Variants in C15orf61 observed in about 807,000 individuals in gnomAD.
C15orf61 encodes the protein uncharacterized protein C15orf61.
C15orf61 carries 12 observed loss-of-function variants against 13.7 expected under a neutral mutation model. That is an observed-to-expected ratio of 0.88 (90% CI 0.56 to 1.42). The LOEUF (loss-of-function observed/expected upper bound fraction) is 1.42. Among genes scored for constraint, C15orf61 ranks in the 40% most tolerant of loss-of-function variants. The probability of loss-of-function intolerance (pLI) is 0.00; values close to 1 mark genes in which losing one functional copy is unlikely to be tolerated. For missense variants in C15orf61, 248 were observed against 213.2 expected (o/e 1.16, Z -1.02); for synonymous variants, 92 against 94.1 (o/e 0.98, Z 0.13).
At position 67,529,117 on chromosome 15, in the gene C15orf61, G is replaced by C. The variant is rs1482124892; in HGVS notation, c.*2572G>C. 1.3e-5 allele frequency: 2 copies of C among 152,076 alleles called. No homozygotes were observed. Among genetic ancestry groups the C allele is most frequent in the Non-Finnish European group, 2.9e-5 (2 of 68,004 alleles). The allele number at this position is 152,076 out of a possible 1,614,324, so 9.4% of individuals were successfully genotyped here. On this transcript the variant is annotated 3_prime_UTR_variant, in exon 2 of 2. Transcript: ENST00000342683. This position sits in a 1 kb window ranked among gnomAD's most constrained non-coding sequence, Gnocchi z 4.4. ...TTTTATCTTTAATCCAACCAAAACT[G>C]TTTTAATAAAGGTGTACTTTTAGTA...
At chr15:67,522,111 A>G (rs1443147091) in intron 1 of C15orf61, 2 of 701,830 alleles carry the variant, frequency 2.8e-6, no homozygotes, top group Admixed American at 2.0e-5. Context: ...CAGACATAAC[A>G]GCTTCCTGAG....
intron 1 of C15orf61, among the ~76,000 whole-genome samples, chr15:67,524,307 A>G (rs953983944): frequency 2.6e-5 from 4 of 151,902 alleles, no homozygotes; most frequent in Admixed American, 1.3e-4. Context: ...TTTTATTTCA[A>G]CTACTCCCTA....
Position 67,521,526 on chromosome 15 carries a change from C to G in C15orf61, c.278C>G (p.Ser93Cys). The G allele has an allele frequency of 6.5e-7, 1 of 1,548,018 alleles. No individual in the cohort carries two copies. Among genetic ancestry groups the G allele is most frequent in the East Asian group, 2.4e-5 (1 of 40,898 alleles). Residue 93 changes from serine to cysteine, a missense_variant, in exon 1 of 2, where the codon TCC (serine) becomes TGC (cysteine). Transcript: ENST00000342683. ...TTCCCCTTCATCAAGTACCACTGCT[C>G]CAAGGCTCCCTGGCAGGACCTGGCC... ...GCFPFIKYHCSKAPWQDLARQ... is the reference protein window; with the variant it reads ...GCFPFIKYHCCKAPWQDLARQ...
intron 1 of C15orf61, chr15:67,522,124 G>A (rs1456456615): frequency 1.4e-6 from 1 of 701,506 alleles, no homozygotes; most frequent in Non-Finnish European, 2.6e-6. Flanking sequence ...TTCCTGAGGT[G>A]CTAGGCCTAA....
chr15:67,523,546 A>G (rs924556736), intron 1 of C15orf61, among the ~76,000 whole-genome samples: 15 of 152,196 alleles, frequency 9.9e-5, no homozygotes, highest in Admixed American at 2.6e-4. Flanking sequence ...GAGATTTAAG[A>G]AAAGCAACTT....
rs1402332210 is a variant in C15orf61 at position 67,521,288 on chromosome 15, C to G, written c.40C>G (p.Leu14Val). The G allele has an allele frequency of 2.0e-6, 3 of 1,479,280 alleles. No individual in the cohort carries two copies. The African/African-American group carries it at 4.3e-5, about 21-fold the overall frequency. The allele number at this position is 1,479,280 out of a possible 1,614,324, so 91.6% of individuals were successfully genotyped here. The change falls in exon 1 of 2, where the codon CTG becomes GTG. Residue 14 changes from leucine to valine, a missense_variant. Physicochemically the swap from Leu to Val is conservative, Grantham distance 32. Coordinates refer to ENST00000342683, the MANE Select transcript of C15orf61 (RefSeq NM_001143936.2). ...GAGGGCCCACGAGGTCGCGCTCCGC[C>G]TGCTGCTGTGTAGGCCGTGGGCCTC... ...LRRAHEVALR[L>V]LLCRPWASRA...
chr15:67,526,433 T>C lies in C15orf61; in HGVS notation c.362T>C (p.Leu121Ser). Reference sequence around the variant, plus strand: ...TGTTTTCTAGGTATTCCAACTTTATTATATGGACTTGGCTCCTGGTTATTT... The same window carrying C: ...TGTTTTCTAGGTATTCCAACTTTATCATATGGACTTGGCTCCTGGTTATTT... ...KVVNLGIPTL[L>S]YGLGSWLFAR... Residue 121 changes from leucine (L) to serine (S), a missense_variant, in exon 2 of 2, where the codon TTA (leucine) becomes TCA (serine). Leu to Ser is a moderately radical substitution (Grantham distance 145). Transcript: ENST00000342683. 1 of 1,528,906 alleles carries C rather than the reference T, an allele frequency of 6.5e-7. No homozygotes were observed. The highest frequency in any genetic ancestry group is 8.9e-7 in the Non-Finnish European group (1 of 1,128,016). 94.7% of individuals were successfully genotyped at this position (1,528,906 alleles called of 1,614,324 possible).
chr15:67,521,753 G>A, intron 1 of C15orf61, 159 bp downstream of exon 1: 2 of 770,302 alleles, frequency 2.6e-6, no homozygotes, highest in Non-Finnish European at 4.1e-6. Context: ...TGTACTCCTC[G>A]CCCAGGGGGT....
rs1264035229 is a variant in C15orf61 at position 67,529,873 on chromosome 15, A to T, written c.*3328A>T. On this transcript the variant is annotated 3_prime_UTR_variant, in exon 2 of 2. Transcript: ENST00000342683. The surrounding 1 kb of genome is among the most constrained non-coding windows in gnomAD (Gnocchi z 4.4). The stretch of plus-strand genomic sequence containing the variant: ...AAAGAATGATGTTTGAATAAGTGGG[A>T]TGACATAAAAGGCAAAGATCTTGGT... The T allele has an allele frequency of 2.6e-5, 4 of 152,236 alleles. No individual in the cohort carries two copies. The highest frequency in any genetic ancestry group is 9.6e-5 in the African/African-American group (4 of 41,458). The allele number at this position is 152,236 out of a possible 1,614,324, so 9.4% of individuals were successfully genotyped here.
At position 67,521,283 on chromosome 15, in the gene C15orf61, T is replaced by C. The variant is rs1412639330; in HGVS notation, c.35T>C (p.Leu12Pro). 6 of 1,456,776 alleles carry C rather than the reference T, an allele frequency of 4.1e-6. No homozygotes were observed. Among genetic ancestry groups the C allele is most frequent in the Non-Finnish European group, 5.4e-6 (6 of 1,107,604 alleles). The allele number at this position is 1,456,776 out of a possible 1,614,324, so 90.2% of individuals were successfully genotyped here. A position where few individuals can be genotyped will look rare whatever the true frequency, so the allele number is the denominator to read the frequency against. Residue 12 changes from leucine to proline, a missense_variant, in exon 1 of 2, where the codon CTC becomes CCC. Transcript: ENST00000342683. ...CTGAGGAGGGCCCACGAGGTCGCGC[T>C]CCGCCTGCTGCTGTGTAGGCCGTGG... Reference protein sequence around the residue: ...EALRRAHEVALRLLLCRPWAS... With the variant: ...EALRRAHEVAPRLLLCRPWAS...
At chr15:67,521,901 G>A in intron 1 of C15orf61, 3 of 664,346 alleles carry the variant, frequency 4.5e-6, no homozygotes, top group Non-Finnish European at 8.1e-6. Context: ...AGTAAGCCAG[G>A]GGGCGTCAGG....
Position 67,522,150 on chromosome 15 carries a change from C to G in C15orf61, c.346+556C>G, listed in dbSNP as rs754538691. The G allele has an allele frequency of 4.3e-6, 3 of 701,438 alleles. No homozygotes were observed. The African/African-American group carries it at 5.3e-5, about 12-fold the overall frequency. 43.5% of individuals were successfully genotyped at this position (701,438 alleles called of 1,614,324 possible). ...CTAGGCCTAAAAGATTTTTAAAGATCTTTAATATTTGTATATTTTCATGGA... is the reference window on the plus strand; with the variant it reads ...CTAGGCCTAAAAGATTTTTAAAGATGTTTAATATTTGTATATTTTCATGGA... On this transcript the variant is annotated intron_variant, in intron 1 of 1. Coordinates refer to ENST00000342683, the MANE Select transcript of C15orf61 (RefSeq NM_001143936.2).
In C15orf61 at chr15:67,522,740, G is replaced by A. The variant is rs940786845; in HGVS notation, c.346+1146G>A. Among the ~76,000 whole-genome samples, 9 of 152,170 alleles carry A rather than the reference G, an allele frequency of 5.9e-5. No homozygotes were observed. The East Asian group carries it at 1.5e-3, about 26-fold the overall frequency. ...AAAGACTGGAGTGTTAACTAGATTCGAGAAGTATAAGTTTATTTTAGCATT... is the reference window on the plus strand; with the variant it reads ...AAAGACTGGAGTGTTAACTAGATTCAAGAAGTATAAGTTTATTTTAGCATT... On this transcript the variant is annotated intron_variant, in intron 1 of 1. Transcript: ENST00000342683.
At position 67,525,481 on chromosome 15, in the gene C15orf61, A is replaced by T. The variant is rs1239741146; in HGVS notation, c.347-937A>T. Among the ~76,000 whole-genome samples the T allele has an allele frequency of 6.6e-6, 1 of 152,234 alleles. No homozygotes were observed. The highest frequency in any genetic ancestry group is 2.4e-5 in the African/African-American group (1 of 41,466). On this transcript the variant is annotated intron_variant, in intron 1 of 1. Transcript: ENST00000342683. This position sits in a 1 kb window ranked among gnomAD's most constrained non-coding sequence, Gnocchi z 4.9. ...ATCTCAAAGCAGCAAAATCTTATCA[A>T]TTCCAAAGAAGAAACACATGTTGGA...
chr15:67,527,720 A>G lies in C15orf61; in HGVS notation c.*1175A>G, dbSNP rs2084206641. The G allele has an allele frequency of 6.6e-6, 1 of 152,218 alleles. No homozygotes were observed. The highest frequency in any genetic ancestry group is 1.9e-4 in the East Asian group (1 of 5,208). The allele number at this position is 152,218 out of a possible 1,614,324, so 9.4% of individuals were successfully genotyped here. Reference sequence around the variant, plus strand: ...TAGAGAAAGTGAGTGGAAGTGACTGAGGTGAAGGCACCAGAATAATGAAGT... The same window carrying G: ...TAGAGAAAGTGAGTGGAAGTGACTGGGGTGAAGGCACCAGAATAATGAAGT... On this transcript the variant is annotated 3_prime_UTR_variant, in exon 2 of 2. Coordinates refer to ENST00000342683, the MANE Select transcript of C15orf61 (RefSeq NM_001143936.2).
rs1284071021 is a variant in C15orf61, at chr15:67,521,319, C to T, written c.71C>T (p.Ala24Val). Reference protein sequence around the residue: ...LLLCRPWASRAAARPKPSASE... With the variant: ...LLLCRPWASRVAARPKPSASE... The stretch of plus-strand genomic sequence containing the variant: ...CTGTGTAGGCCGTGGGCCTCGCGCG[C>T]CGCCGCCCGCCCCAAGCCCAGCGCC... Residue 24 changes from alanine (A) to valine (V), a missense_variant, in exon 1 of 2, where the codon GCC (alanine) becomes GTC (valine). By Grantham distance (64) the Ala-to-Val change is moderately conservative. Transcript: ENST00000342683. The T allele has an allele frequency of 1.6e-5, 24 of 1,527,766 alleles. No individual in the cohort carries two copies. The highest frequency in any genetic ancestry group is 2.1e-5 in the Non-Finnish European group (24 of 1,142,430). 94.6% of individuals were successfully genotyped at this position (1,527,766 alleles called of 1,614,324 possible). A position where few individuals can be genotyped will look rare whatever the true frequency, so the allele number is the denominator to read the frequency against.
Position 67,521,250 on chromosome 15 carries a change from T to TG in C15orf61, c.4dup (p.Glu2?). ...CCTGCGTCCCCGGCGCGGCGGGCCA[T>TG]GGAGGCCCTGAGGAGGGCCCACGAG... On this transcript the variant is annotated frameshift_variant and start_lost, in exon 1 of 2. Coordinates refer to ENST00000342683, the MANE Select transcript of C15orf61 (RefSeq NM_001143936.2). LOFTEE classifies it high-confidence loss of function. The TG allele has an allele frequency of 7.8e-7, 1 of 1,274,248 alleles. No homozygotes were observed. Among genetic ancestry groups the TG allele is most frequent in the Non-Finnish European group, 9.9e-7 (1 of 1,009,360 alleles). The allele number at this position is 1,274,248 out of a possible 1,614,324, so 78.9% of individuals were successfully genotyped here.
At position 67,529,931 on chromosome 15, in the gene C15orf61, GA is replaced by G. The variant is rs750626551; in HGVS notation, c.*3389del. On this transcript the variant is annotated 3_prime_UTR_variant, in exon 2 of 2. Coordinates refer to ENST00000342683, the MANE Select transcript of C15orf61 (RefSeq NM_001143936.2). This position sits in a 1 kb window ranked among gnomAD's most constrained non-coding sequence, Gnocchi z 4.4. Reference sequence around the variant, plus strand: ...CACTGAAAAGCTAATGCAGATAACAGAAACCTTATCCTAAAGCTAGTGGATT... The same window carrying G: ...CACTGAAAAGCTAATGCAGATAACAGAACCTTATCCTAAAGCTAGTGGATT... 3 of 152,166 alleles carry G rather than the reference GA, an allele frequency of 2.0e-5. No individual in the cohort carries two copies. Among genetic ancestry groups the G allele is most frequent in the Admixed American group, 6.5e-5 (1 of 15,272 alleles). The allele number at this position is 152,166 out of a possible 1,614,324, so 9.4% of individuals were successfully genotyped here.
Position 67,527,335 on chromosome 15 carries a change from T to C in C15orf61, c.*790T>C, listed in dbSNP as rs534400147. 2 of 152,206 alleles carry C rather than the reference T, an allele frequency of 1.3e-5. No homozygotes were observed. Among genetic ancestry groups the C allele is most frequent in the African/African-American group, 4.8e-5 (2 of 41,466 alleles). 9.4% of individuals were successfully genotyped at this position (152,206 alleles called of 1,614,324 possible). The stretch of plus-strand genomic sequence containing the variant: ...GAAATGGTACATATCCATAGACTTA[T>C]TGGCAATAAGGAGTGGGCTGAAATT... On this transcript the variant is annotated 3_prime_UTR_variant, in exon 2 of 2. Transcript: ENST00000342683.
Sources: allele counts gnomAD v4.1 joint callset (sites outside exome capture counted in the v4.1 genomes callset), GRCh38; gene constraint gnomAD v4.1.1; non-coding constraint Gnocchi (gnomAD v3.1); transcripts MANE v1.5; gene names NCBI Gene and HGNC (gene_info 2026-07-23, HGNC 2026-07-21).